TMED2: variants seen among roughly 807,000 people sequenced by gnomAD.
TMED2 encodes transmembrane emp24 domain-containing protein 2.
TMED2 carries 3 observed loss-of-function variants against 17.5 expected under a neutral mutation model. That is an observed-to-expected ratio of 0.17 (90% CI 0.08 to 0.44). The LOEUF is 0.44. Ranked by LOEUF, TMED2 falls within the 20% of genes least tolerant of loss-of-function variation. The pLI, the probability that TMED2 is intolerant of heterozygous loss-of-function variation, is 0.99. For synonymous variants in TMED2, 95 were observed against 91.0 expected, an observed-to-expected ratio of 1.04 and a Z score of -0.25; for missense variants, 149 against 254.8, an observed-to-expected ratio of 0.58 and a Z score of 2.83.
chr12:123,592,987 C>T (rs925553231), intron 3 of TMED2, among the ~76,000 whole-genome samples: 4 of 151,748 alleles, frequency 2.6e-5, no homozygotes, highest in African/African-American at 7.3e-5. Flanking sequence ...AGGCGAATAA[C>T]GAGGTCAGTA....
chr12:123,588,167 G>T (rs1015553090), intron 2 of TMED2, among the ~76,000 whole-genome samples: 5 of 151,300 alleles, frequency 3.3e-5, no homozygotes, highest in African/African-American at 1.2e-4. Flanking sequence ...TGCTTACCGG[G>T]AGCCAGCACA....
rs993448447 is a variant in TMED2, at chr12:123,596,874, A to G, written c.*145A>G. ...CTTTGAGATTAATAGATATTGGGGGAAAAACGCCTTTTTAGGAAAATTATA... is the reference window on the plus strand; with the variant it reads ...CTTTGAGATTAATAGATATTGGGGGGAAAACGCCTTTTTAGGAAAATTATA... On this transcript the variant is annotated 3_prime_UTR_variant, in exon 4 of 4. Coordinates refer to ENST00000262225, the MANE Select transcript of TMED2 (RefSeq NM_006815.4). 2.6e-5 allele frequency: 27 copies of G among 1,055,134 alleles called. No individual in the cohort carries two copies. Among genetic ancestry groups the G allele is most frequent in the East Asian group, 9.5e-5 (3 of 31,702 alleles). 65.4% of individuals were successfully genotyped at this position (1,055,134 alleles called of 1,614,324 possible).
At chr12:123,584,905 G>GA in intron 1 of TMED2, 89 bp downstream of exon 1, 3 of 1,515,614 alleles carry the variant, frequency 2.0e-6, no homozygotes, top group Non-Finnish European at 1.8e-6. Context: ...CCTGTGTGGG[G>GA]AGTGGGCTTG....
intron 3 of TMED2, 43 bp from the exon 4 acceptor site, chr12:123,596,562 G>T (rs375677279): frequency 1.9e-6 from 3 of 1,572,010 alleles, no homozygotes; most frequent in Non-Finnish European, 2.6e-6. Flanking sequence ...GTCTTTTTGG[G>T]GGAGAATTGT....
rs535211683 is a variant in TMED2 at position 123,598,026 on chromosome 12, G to A, written c.*1297G>A. 1.3e-5 allele frequency: 2 copies of A among 152,604 alleles called. No individual in the cohort carries two copies. Among genetic ancestry groups the A allele is most frequent in the South Asian group, 4.1e-4 (2 of 4,828 alleles). 9.5% of individuals were successfully genotyped at this position (152,604 alleles called of 1,614,324 possible). A position where few individuals can be genotyped will look rare whatever the true frequency, so the allele number is the denominator to read the frequency against. Reference sequence around the variant, plus strand: ...TTTCACCTTAGGACAACTGTTGCATGCCAAGTTTTTTGTGTGTGTGAAACA... The same window carrying A: ...TTTCACCTTAGGACAACTGTTGCATACCAAGTTTTTTGTGTGTGTGAAACA... On this transcript the variant is annotated 3_prime_UTR_variant, in exon 4 of 4. Transcript: ENST00000262225.
intron 2 of TMED2, among the ~76,000 whole-genome samples, chr12:123,588,892 A>G (rs1953370655): frequency 6.6e-6 from 1 of 152,192 alleles, no homozygotes; most frequent in Non-Finnish European, 1.5e-5. Context: ...CCAAAGGGAA[A>G]TTTCGAGTGA....
chr12:123,594,778 T>A (rs916381033), intron 3 of TMED2, among the ~76,000 whole-genome samples: 3 of 151,742 alleles, frequency 2.0e-5, no homozygotes, highest in Non-Finnish European at 4.4e-5. Context: ...GCTCAGCTAC[T>A]TGGGAGGCTG....
chr12:123,587,014 A>G lies in TMED2; in HGVS notation c.373+75A>G, dbSNP rs1238489017. 4 of 1,291,046 alleles carry G rather than the reference A, an allele frequency of 3.1e-6. No homozygotes were observed. In the African/African-American group the frequency reaches 4.6e-5, roughly 15 times the overall value. The allele number at this position is 1,291,046 out of a possible 1,614,324, so 80.0% of individuals were successfully genotyped here. ...AGTTCTATACATTTTTACCTGTCTG[A>G]GTGGAGTACTTATTTTTTTTAAATT... On this transcript the variant is annotated intron_variant, in intron 2 of 3. Transcript: ENST00000262225.
At chr12:123,586,672 T>A in intron 1 of TMED2, 75 bp from the exon 2 acceptor site, 1 of 1,410,226 alleles carries the variant, frequency 7.1e-7, no homozygotes, top group Non-Finnish European at 9.5e-7. Flanking sequence ...AATTTCTTAC[T>A]GCCATTAGAC....
rs1292832502 is a variant in TMED2 at position 123,590,502 on chromosome 12, C to T, written c.481+53C>T. 6 of 1,413,708 alleles carry T rather than the reference C, an allele frequency of 4.2e-6. No individual in the cohort carries two copies. In the East Asian group the frequency reaches 1.5e-4, roughly 35 times the overall value. 87.6% of individuals were successfully genotyped at this position (1,413,708 alleles called of 1,614,324 possible). Reference sequence around the variant, plus strand: ...GTGTCTGATGGTGAAGGTTGTTTTACTCAACAGCTTGCTCGTATTTTCCTC... The same window carrying T: ...GTGTCTGATGGTGAAGGTTGTTTTATTCAACAGCTTGCTCGTATTTTCCTC... On this transcript the variant is annotated intron_variant, in intron 3 of 3. Coordinates refer to ENST00000262225, the MANE Select transcript of TMED2 (RefSeq NM_006815.4).
chr12:123,587,186 G>T (rs999639666), intron 2 of TMED2, among the ~76,000 whole-genome samples: 11 of 151,276 alleles, frequency 7.3e-5, no homozygotes, highest in Admixed American at 6.6e-4. Context: ...TCGCTCTTTC[G>T]CCCAGGCTGG....
chr12:123,594,844 G>A (rs919252151), intron 3 of TMED2, among the ~76,000 whole-genome samples: 1 of 151,742 alleles, frequency 6.6e-6, no homozygotes, highest in Admixed American at 6.6e-5. Context: ...CTGAGATCGC[G>A]TCATTGCACT....
intron 2 of TMED2, among the ~76,000 whole-genome samples, chr12:123,588,357 A>T (rs1953367416): frequency 6.6e-6 from 1 of 152,012 alleles, no homozygotes; most frequent in Non-Finnish European, 1.5e-5. Flanking sequence ...TGGATTTTGA[A>T]ATCTATAGAA....
At chr12:123,594,763 T>A (rs550305785) in intron 3 of TMED2, among the ~76,000 whole-genome samples, 1 of 152,022 alleles carries the variant, frequency 6.6e-6, no homozygotes, top group East Asian at 2.0e-4. Flanking sequence ...GGTACATGTC[T>A]GTAAGCTCAG....
intron 2 of TMED2, among the ~76,000 whole-genome samples, chr12:123,588,713 TG>T (rs1566165148): frequency 6.6e-6 from 1 of 152,162 alleles, no homozygotes; most frequent in East Asian, 1.9e-4. Flanking sequence ...TTCGGAAGAC[TG>T]GGGGTAGGTG....
At chr12:123,595,119 C>T (rs1460101607) in intron 3 of TMED2, among the ~76,000 whole-genome samples, 1 of 151,722 alleles carries the variant, frequency 6.6e-6, no homozygotes, top group Non-Finnish European at 1.5e-5. Context: ...ATCCCAGCTA[C>T]TCAGGAGTCT....
chr12:123,585,360 A>G (rs1464903249), intron 1 of TMED2, among the ~76,000 whole-genome samples: 1 of 152,192 alleles, frequency 6.6e-6, no homozygotes, highest in Non-Finnish European at 1.5e-5. Flanking sequence ...TCTACTCTTT[A>G]CGCCTCCAGC....
chr12:123,596,099 C>A (rs553455269), intron 3 of TMED2, among the ~76,000 whole-genome samples: 1 of 152,320 alleles, frequency 6.6e-6, no homozygotes, highest in South Asian at 2.1e-4. Context: ...GTTACAATGA[C>A]TTCACTTAGA....
chr12:123,588,735 C>G (rs1953369605), intron 2 of TMED2, among the ~76,000 whole-genome samples: 1 of 152,138 alleles, frequency 6.6e-6, no homozygotes, highest in Non-Finnish European at 1.5e-5. Flanking sequence ...CTACAGGCAT[C>G]TAGGACTGGA....
Sources: allele counts gnomAD v4.1 joint callset (sites outside exome capture counted in the v4.1 genomes callset), GRCh38; gene constraint gnomAD v4.1.1; transcripts MANE v1.5; gene names NCBI Gene and HGNC (gene_info 2026-07-23, HGNC 2026-07-21).